Variants in LARGE1 observed in about 807,000 individuals in gnomAD.
The protein encoded by LARGE1 is xylosyl- and glucuronyltransferase LARGE1.
A neutral mutation model predicts 87.6 loss-of-function variants in LARGE1; 43 were observed. That is an observed-to-expected ratio of 0.49 (90% CI 0.38 to 0.63). The LOEUF is 0.63. Among genes scored for constraint, LARGE1 ranks in the 30% least tolerant of loss-of-function variants. The pLI is 0.00. For synonymous variants in LARGE1, 434 were observed against 394.6 expected (o/e 1.10, Z -1.18); for missense variants, 802 against 1,000.2 (o/e 0.80, Z 2.67).
chr22:33,646,474 C>T (rs113766540), intron 3 of LARGE1, among the ~76,000 whole-genome samples: 11 of 151,368 alleles, frequency 7.3e-5, no homozygotes, highest in African/African-American at 2.4e-4. Context: ...AGGACAAATA[C>T]CTAATATATG....
the LARGE1 span, among the ~76,000 whole-genome samples, chr22:33,130,873 C>T: frequency 1.3e-5 from 2 of 151,162 alleles, no homozygotes; most frequent in Admixed American, 6.6e-5. Flanking sequence ...CTCTACTGAA[C>T]ATACAAAAAA....
At chr22:33,620,567 C>T (rs2079717528) in intron 4 of LARGE1, among the ~76,000 whole-genome samples, 1 of 152,138 alleles carries the variant, frequency 6.6e-6, no homozygotes, top group Admixed American at 6.6e-5. Context: ...ATCCATCTTT[C>T]TTCTTCACCA....
exon 12 of LARGE1, chr22:33,166,515 C>T (rs915265833): frequency 3.0e-6 from 1 of 331,888 alleles, no homozygotes; most frequent in South Asian, 2.4e-5. Context: ...AATGTTACCA[C>T]GGGGATGTTC....
chr22:33,229,288 T>A (rs1925884437), intron 11 of LARGE1, among the ~76,000 whole-genome samples: 1 of 152,046 alleles, frequency 6.6e-6, no homozygotes, highest in Non-Finnish European at 1.5e-5. Flanking sequence ...TAAACTAACA[T>A]AATAAATTAT....
chr22:33,753,896 C>T (rs1039433664), intron 2 of LARGE1, among the ~76,000 whole-genome samples: 3 of 151,630 alleles, frequency 2.0e-5, no homozygotes, highest in African/African-American at 7.3e-5. Flanking sequence ...CCTATCTTTA[C>T]TAAAAAAACA....
chr22:33,187,958 A>AAAAAAAAAAAAAG (rs1568965475), intron 11 of LARGE1, among the ~76,000 whole-genome samples: 3 of 107,472 alleles, frequency 2.8e-5, no homozygotes, highest in Non-Finnish European at 3.7e-5. Flanking sequence ...AAAAAAAAAA[A>AAAAAAAAAAAAAG]AATCACTAAG....
At chr22:33,295,068 A>T (rs1295372334) in intron 12 of LARGE1, among the ~76,000 whole-genome samples, 1 of 152,194 alleles carries the variant, frequency 6.6e-6, no homozygotes, top group Non-Finnish European at 1.5e-5. Flanking sequence ...ACCTGCCACG[A>T]GACAGGGCAC....
At chr22:33,640,784 G>A (rs983524864) in intron 3 of LARGE1, among the ~76,000 whole-genome samples, 9 of 152,244 alleles carry the variant, frequency 5.9e-5, no homozygotes, top group East Asian at 3.9e-4. Flanking sequence ...CTGAGTATGC[G>A]GTTTTCCCCT....
At chr22:33,835,400 G>C (rs1463183492) in intron 1 of LARGE1, among the ~76,000 whole-genome samples, 1 of 152,196 alleles carries the variant, frequency 6.6e-6, no homozygotes, top group Non-Finnish European at 1.5e-5. Context: ...GAGGCTGCAA[G>C]GACTTCCTAG....
rs144953874 is a variant in LARGE1, at chr22:33,918,837, T to C, written c.-83+1158A>G. Among the ~76,000 whole-genome samples the C allele has an allele frequency of 5.2e-3, 785 of 152,258 alleles. 13 individuals carry two copies. The highest frequency in any genetic ancestry group is 0.018 in the African/African-American group (760 of 41,554). On this transcript the variant is annotated intron_variant, in intron 1 of 14. Coordinates refer to ENST00000397394, the MANE Select transcript of LARGE1 (RefSeq NM_133642.5). Reference sequence around the variant, plus strand: ...GTGTCAGAGAAGAAAGGCATCTGCATGTCAGGGAGGCGGACGCCCCCACCT... The same window carrying C: ...GTGTCAGAGAAGAAAGGCATCTGCACGTCAGGGAGGCGGACGCCCCCACCT...
At chr22:33,413,130 A>C (rs1489001886) in intron 7 of LARGE1, among the ~76,000 whole-genome samples, 1 of 152,202 alleles carries the variant, frequency 6.6e-6, no homozygotes, top group African/African-American at 2.4e-5. Context: ...AATTCTTTTA[A>C]AAAATAGTCT....
At chr22:33,368,815 A>C (rs2064695073) in intron 9 of LARGE1, among the ~76,000 whole-genome samples, 2 of 152,214 alleles carry the variant, frequency 1.3e-5, no homozygotes, top group South Asian at 4.1e-4. Context: ...TACTCTGTTA[A>C]GTGTACAACA....
rs145793389 is a variant in LARGE1 at position 33,384,708 on chromosome 22, AC to A, written c.893-405del. Among the ~76,000 whole-genome samples the A allele has an allele frequency of 2.8e-3, 415 of 148,616 alleles. 34 individuals carry two copies. The South Asian group carries it at 0.037, about 13-fold the overall frequency. ...GGTGGCCGCACAACAATGTGAATGG[AC>A]TTCATGCCGCTCAACTGTACGTTTA... On this transcript the variant is annotated intron_variant, in intron 7 of 14. Transcript: ENST00000397394.
intron 1 of LARGE1, among the ~76,000 whole-genome samples, chr22:33,787,611 A>G (rs998442775): frequency 2.0e-5 from 3 of 152,204 alleles, no homozygotes; most frequent in African/African-American, 7.2e-5. Context: ...TGTTGCACTC[A>G]GCTCAATCAG....
chr22:33,909,687 C>T (rs1047438055), intron 1 of LARGE1, among the ~76,000 whole-genome samples: 15 of 151,984 alleles, frequency 9.9e-5, no homozygotes, highest in Admixed American at 5.9e-4. Flanking sequence ...TACAGGCGCC[C>T]GCCACCACGC....
chr22:33,137,578 G>C, the LARGE1 span, among the ~76,000 whole-genome samples: 7 of 152,210 alleles, frequency 4.6e-5, no homozygotes, highest in Admixed American at 4.6e-4. Context: ...CAAGACAATG[G>C]GGAAAATATC....
the LARGE1 span, among the ~76,000 whole-genome samples, chr22:33,139,621 A>T: frequency 6.6e-6 from 1 of 151,984 alleles, no homozygotes; most frequent in Non-Finnish European, 1.5e-5. Context: ...TTAACTCCAA[A>T]ACTTTCATTT....
At chr22:33,914,641 T>C (rs2065730691) in intron 1 of LARGE1, among the ~76,000 whole-genome samples, 1 of 152,150 alleles carries the variant, frequency 6.6e-6, no homozygotes, top group African/African-American at 2.4e-5. Flanking sequence ...TTCAGCCTTG[T>C]GTATTTGCAG....
intron 4 of LARGE1, among the ~76,000 whole-genome samples, chr22:33,612,327 C>T (rs2079458463): frequency 6.6e-6 from 1 of 152,194 alleles, no homozygotes; most frequent in East Asian, 1.9e-4. Flanking sequence ...TGGTCTTGAA[C>T]TCTTGACCTC....
Sources: allele counts gnomAD v4.1 joint callset (sites outside exome capture counted in the v4.1 genomes callset), GRCh38; gene constraint gnomAD v4.1.1; transcripts MANE v1.5; gene names NCBI Gene and HGNC (gene_info 2026-07-23, HGNC 2026-07-21).